Variants in EIF4G3 observed in about 807,000 individuals in gnomAD.
EIF4G3 encodes eIF-4-gamma 3.
EIF4G3 carries 34 observed loss-of-function variants against 186.4 expected under a neutral mutation model. The observed-to-expected ratio is 0.18, with a 90% confidence interval of 0.14 to 0.24. EIF4G3 has a LOEUF of 0.24. Ranked by LOEUF, EIF4G3 falls within the 10% of genes least tolerant of loss-of-function variation. The pLI, the probability that EIF4G3 is intolerant of heterozygous loss-of-function variation, is 1.00. For missense variants in EIF4G3, 1,536 were observed against 1,948.5 expected (o/e 0.79, Z 3.99); for synonymous variants, 673 against 679.5 (o/e 0.99, Z 0.15).
At chr1:20,882,774 C>T (rs1037363778) in intron 19 of EIF4G3, among the ~76,000 whole-genome samples, 1 of 150,854 alleles carries the variant, frequency 6.6e-6, no homozygotes, top group African/African-American at 2.4e-5. Context: ...CCAGCCTGGG[C>T]AATAGATTTA....
chr1:20,981,275 G>C lies in EIF4G3; in HGVS notation c.199-48C>G, dbSNP rs756409239. 3.2e-6 allele frequency: 4 copies of C among 1,258,686 alleles called. No homozygotes were observed. In the East Asian group the frequency reaches 9.9e-5, roughly 31 times the overall value. The allele number at this position is 1,258,686 out of a possible 1,614,324, so 78.0% of individuals were successfully genotyped here. On this transcript the variant is annotated intron_variant, in intron 8 of 36. Transcript: ENST00000602326. ...ATTTTTTTTTTTTTTTAACACAGGG[G>C]AATATATAAATTTTACTGTCTCCTT...
intron 14 of EIF4G3, among the ~76,000 whole-genome samples, chr1:20,914,386 C>CA (rs1375028059): frequency 6.6e-6 from 1 of 151,972 alleles, no homozygotes; most frequent in African/African-American, 2.4e-5. Context: ...AGGAGAAACA[C>CA]AGAGAGATTT....
At chr1:20,980,033 C>A (rs2077636214) in intron 10 of EIF4G3, among the ~76,000 whole-genome samples, 1 of 152,166 alleles carries the variant, frequency 6.6e-6, no homozygotes, top group Non-Finnish European at 1.5e-5. Flanking sequence ...CCACCGCGCC[C>A]AGCCAAAAAA....
chr1:21,020,420 G>A (rs749813733), intron 4 of EIF4G3, among the ~76,000 whole-genome samples: 22 of 152,112 alleles, frequency 1.4e-4, no homozygotes, highest in Non-Finnish European at 2.9e-4. Context: ...AGCCTAGGAG[G>A]AGGAGGTTGC....
intron 5 of EIF4G3, among the ~76,000 whole-genome samples, chr1:21,001,740 G>A (rs532020711): frequency 1.3e-5 from 2 of 152,266 alleles, no homozygotes; most frequent in East Asian, 1.9e-4. Flanking sequence ...CAGGGAAAAG[G>A]AAAATAGAAA....
chr1:20,807,542 T>C (rs778832161), intron 36 of EIF4G3, 42 bp from the exon 37 acceptor site: 9 of 1,463,112 alleles, frequency 6.2e-6, no homozygotes, highest in Non-Finnish European at 7.4e-6. Flanking sequence ...TGGGACACTG[T>C]AGTTATGAGG....
chr1:21,070,087 C>T (rs964441079), intron 3 of EIF4G3, among the ~76,000 whole-genome samples: 4 of 151,976 alleles, frequency 2.6e-5, no homozygotes, highest in Non-Finnish European at 5.9e-5. Context: ...AACGGCAAGC[C>T]ACAACTTATT....
chr1:21,149,101 A>G (rs2097507154), intron 2 of EIF4G3, among the ~76,000 whole-genome samples: 1 of 152,042 alleles, frequency 6.6e-6, no homozygotes, highest in Admixed American at 6.6e-5. Flanking sequence ...CTAAAAAAAA[A>G]AAAGAAAGAA....
In EIF4G3 at chr1:20,942,858, C is replaced by T. The variant is rs188180328; in HGVS notation, c.824-528G>A. On this transcript the variant is annotated intron_variant, in intron 13 of 36. Transcript: ENST00000602326. The stretch of plus-strand genomic sequence containing the variant: ...TTAAAAAGTATTACTTGTATAAAAA[C>T]TCAAGATAAAGCATCACATTTTATT... Among the ~76,000 whole-genome samples, 485 of 152,170 alleles carry T rather than the reference C, an allele frequency of 3.2e-3. 2 individuals are homozygous for T. Among genetic ancestry groups the T allele is most frequent in the African/African-American group, 0.011 (452 of 41,508 alleles).
At position 20,870,275 on chromosome 1, in the gene EIF4G3, G is replaced by A. The variant is rs1014755751; in HGVS notation, c.2623-5013C>T. Reference sequence around the variant, plus strand: ...AGTCCTGTCATTCTCCTCATGCTTTGCTTTTAAACACTTAAAGTGGCAATA... The same window carrying A: ...AGTCCTGTCATTCTCCTCATGCTTTACTTTTAAACACTTAAAGTGGCAATA... On this transcript the variant is annotated intron_variant, in intron 20 of 36. Coordinates refer to ENST00000602326, the MANE Select transcript of EIF4G3 (RefSeq NM_001391906.1). Among the ~76,000 whole-genome samples, 12 of 151,840 alleles carry A rather than the reference G, an allele frequency of 7.9e-5. No homozygotes were observed. The East Asian group carries it at 2.3e-3, about 29-fold the overall frequency.
At chr1:21,033,537 G>A (rs906271084) in intron 4 of EIF4G3, among the ~76,000 whole-genome samples, 1 of 152,140 alleles carries the variant, frequency 6.6e-6, no homozygotes, top group Non-Finnish European at 1.5e-5. Flanking sequence ...CTATGATGCA[G>A]GCACTGTTAT....
chr1:20,820,776 G>A (rs554483193), intron 33 of EIF4G3, among the ~76,000 whole-genome samples: 1 of 152,252 alleles, frequency 6.6e-6, no homozygotes, highest in African/African-American at 2.4e-5. Flanking sequence ...AGAGAAGAAT[G>A]CCTTCTCTGC....
intron 2 of EIF4G3, among the ~76,000 whole-genome samples, chr1:21,102,119 A>G (rs36052561): frequency 3.7e-4 from 57 of 152,138 alleles, no homozygotes; most frequent in Admixed American, 2.2e-3. Context: ...TATCTGAGGA[A>G]AAAAGACAAA....
In EIF4G3 at chr1:20,807,257, G is replaced by A. The variant is rs1272622350; in HGVS notation, c.*62C>T. Reference sequence around the variant, plus strand: ...TTGCTGCACTGTGATTGGCGAAGACGTGAAACTTTTTAAAAAAATACTTAA... The same window carrying A: ...TTGCTGCACTGTGATTGGCGAAGACATGAAACTTTTTAAAAAAATACTTAA... On this transcript the variant is annotated 3_prime_UTR_variant, in exon 37 of 37. Coordinates refer to ENST00000602326, the MANE Select transcript of EIF4G3 (RefSeq NM_001391906.1). 5.3e-6 allele frequency: 8 copies of A among 1,497,794 alleles called. No homozygotes were observed. Among genetic ancestry groups the A allele is most frequent in the Admixed American group, 3.8e-5 (2 of 52,764 alleles). 92.8% of individuals were successfully genotyped at this position (1,497,794 alleles called of 1,614,324 possible).
rs951964837 is a variant in EIF4G3 at position 20,985,066 on chromosome 1, A to C, written c.178-2658T>G. Among the ~76,000 whole-genome samples the C allele has an allele frequency of 7.9e-5, 12 of 152,312 alleles. No homozygotes were observed. In the Middle Eastern group the frequency reaches 0.01, roughly 130 times the overall value. On this transcript the variant is annotated intron_variant, in intron 7 of 36. Coordinates refer to ENST00000602326, the MANE Select transcript of EIF4G3 (RefSeq NM_001391906.1). ...GCATGTACTTTTAACTGTTACACAT[A>C]TTACCTCTCATGAAATGGAATACCC...
At position 20,935,116 on chromosome 1, in the gene EIF4G3, TA is replaced by T. The variant is rs377694665; in HGVS notation, c.1663+6374del. On this transcript the variant is annotated intron_variant, in intron 14 of 36. Transcript: ENST00000602326. ...GAACCTAGGTCACAAGCATAAAGTATAACTGTCAAATCCTGAGGTAATTTTG... is the reference window on the plus strand; with the variant it reads ...GAACCTAGGTCACAAGCATAAAGTATACTGTCAAATCCTGAGGTAATTTTG... Among the ~76,000 whole-genome samples the T allele has an allele frequency of 4.5e-3, 680 of 152,294 alleles. 5 individuals carry two copies. The highest frequency in any genetic ancestry group is 0.016 in the African/African-American group (645 of 41,564).
chr1:21,009,469 C>G (rs930904148), intron 4 of EIF4G3, among the ~76,000 whole-genome samples: 3 of 152,240 alleles, frequency 2.0e-5, no homozygotes, highest in East Asian at 3.9e-4. Context: ...GGGTGAGCCA[C>G]CACATCCAGC....
In EIF4G3 at chr1:20,980,946, C is replaced by T. The variant is rs115655816; in HGVS notation, c.378+102G>A. 7,031 of 985,132 alleles carry T rather than the reference C, an allele frequency of 7.1e-3. 33 individuals are homozygous for T. The highest frequency in any genetic ancestry group is 8.9e-3 in the Non-Finnish European group (6,382 of 714,638). 61.0% of individuals were successfully genotyped at this position (985,132 alleles called of 1,614,324 possible). On this transcript the variant is annotated intron_variant, in intron 9 of 36. Transcript: ENST00000602326. ...ACCAACAAAACAGTTCACACGTCAC[C>T]GAAAACTAATACCACAATTCATCCA... is the stretch of plus-strand genomic sequence containing the variant.
chr1:21,076,290 C>CTTA, intron 3 of EIF4G3, among the ~76,000 whole-genome samples: 1 of 151,940 alleles, frequency 6.6e-6, no homozygotes, highest in South Asian at 2.1e-4. Flanking sequence ...TTAAAATTTC[C>CTTA]TGAAATAAAT....
Sources: allele counts gnomAD v4.1 joint callset (sites outside exome capture counted in the v4.1 genomes callset), GRCh38; gene constraint gnomAD v4.1.1; transcripts MANE v1.5; gene names NCBI Gene and HGNC (gene_info 2026-07-23, HGNC 2026-07-21).